EEPD1: variants seen among roughly 807,000 people sequenced by gnomAD.
EEPD1 encodes endonuclease/exonuclease/phosphatase family domain containing 1.
In EEPD1, 17 loss-of-function variants were observed where a neutral mutation model predicts 46.3. The observed-to-expected ratio is 0.37, with a 90% CI of 0.25 to 0.55. EEPD1 has a LOEUF of 0.55. Ranked by LOEUF, EEPD1 falls within the 20% of genes least tolerant of loss-of-function variation. The probability of loss-of-function intolerance (pLI) is 0.83; values close to 1 mark genes in which losing one functional copy is unlikely to be tolerated. For missense variants in EEPD1, 673 were observed against 745.6 expected, an observed-to-expected ratio of 0.90 and a Z score of 1.13; for synonymous variants, 313 against 315.6, an observed-to-expected ratio of 0.99 and a Z score of 0.09.
At position 36,154,670 on chromosome 7, in the gene EEPD1, C is replaced by T. The variant is rs749746665; in HGVS notation, c.346C>T (p.Arg116Trp). 1 of 1,613,638 alleles carries T rather than the reference C, an allele frequency of 6.2e-7. No individual in the cohort carries two copies. Among genetic ancestry groups the T allele is most frequent in the South Asian group, 1.1e-5 (1 of 91,070 alleles). The change falls in exon 2 of 8, where the codon CGG becomes TGG. Residue 116 changes from arginine to tryptophan, a missense_variant. Transcript: ENST00000242108. This position sits in a 1 kb window ranked among gnomAD's most constrained non-coding sequence, Gnocchi z 4.2. The stretch of plus-strand genomic sequence containing the variant: ...GCAGCACTCTCCCAGTTCCCTGCGG[C>T]GGGACCTGCTAGCGGAGCAGCAGCC... ...SAQHSPSSLR[R>W]DLLAEQQPHH...
In EEPD1 at chr7:36,299,589, A is replaced by G. The variant is rs1787584571; in HGVS notation, c.*383A>G. 4.1e-6 allele frequency: 1 copy of G among 242,744 alleles called. No individual in the cohort carries two copies. The highest frequency in any genetic ancestry group is 7.5e-5 in the South Asian group (1 of 13,338). 15.0% of individuals were successfully genotyped at this position (242,744 alleles called of 1,614,324 possible). A position where few individuals can be genotyped will look rare whatever the true frequency, so the allele number is the denominator to read the frequency against. On this transcript the variant is annotated 3_prime_UTR_variant, in exon 8 of 8. Transcript: ENST00000242108. ...GCCACAGTCCAGCAGCGCCAGAAGC[A>G]CTCATTTCTGACCACCAGGCTATGA...
intron 3 of EEPD1, among the ~76,000 whole-genome samples, chr7:36,243,969 G>A (rs1786597103): frequency 6.6e-6 from 1 of 150,658 alleles, no homozygotes; most frequent in African/African-American, 2.4e-5. Context: ...AATGGGTGCA[G>A]CACACCAGCA....
At chr7:36,236,175 G>A (rs957185802) in intron 2 of EEPD1, among the ~76,000 whole-genome samples, 3 of 152,210 alleles carry the variant, frequency 2.0e-5, no homozygotes, top group African/African-American at 4.8e-5. Flanking sequence ...GCTCCGCCTC[G>A]GCGTCCGCTC....
intron 2 of EEPD1, among the ~76,000 whole-genome samples, chr7:36,238,064 G>GGGT (rs1459809135): frequency 4.6e-5 from 7 of 152,284 alleles, no homozygotes; most frequent in Middle Eastern, 3.4e-3. Flanking sequence ...CCAGAACTGA[G>GGGT]GGTTCCTCTC....
chr7:36,214,450 AGGTCT>A (rs1785992679), intron 2 of EEPD1, among the ~76,000 whole-genome samples: 1 of 152,300 alleles, frequency 6.6e-6, no homozygotes, highest in East Asian at 1.9e-4. Context: ...CCTCATCAAC[AGGTCT>A]GGTCAGGGAG....
chr7:36,171,764 C>T (rs1392797383), intron 2 of EEPD1, among the ~76,000 whole-genome samples: 2 of 152,220 alleles, frequency 1.3e-5, no homozygotes, highest in Non-Finnish European at 2.9e-5. Context: ...TACTGCCTCT[C>T]ACTCATTAAT....
At chr7:36,253,318 T>C (rs1451975802) in intron 3 of EEPD1, among the ~76,000 whole-genome samples, 1 of 152,222 alleles carries the variant, frequency 6.6e-6, no homozygotes, top group East Asian at 1.9e-4. Context: ...TTTGTTTGAT[T>C]TCAATCCTTG....
At position 36,154,531 on chromosome 7, in the gene EEPD1, G is replaced by T. The variant is rs754866005; in HGVS notation, c.207G>T (p.Glu69Asp). The T allele has an allele frequency of 6.2e-7, 1 of 1,614,198 alleles. No homozygotes were observed. The highest frequency in any genetic ancestry group is 1.7e-5 in the Admixed American group (1 of 60,024). Residue 69 changes from glutamate (E) to aspartate (D), a missense_variant, in exon 2 of 8, where the codon GAG becomes GAT. Glu to Asp is a conservative substitution (Grantham distance 45). Coordinates refer to ENST00000242108, the MANE Select transcript of EEPD1 (RefSeq NM_030636.3). The surrounding 1 kb of genome is among the most constrained non-coding windows in gnomAD (Gnocchi z 4.2). ...AVARSIVEYR[E>D]YIGGFKKVED... Reference sequence around the variant, plus strand: ...CACGCAGCATCGTGGAGTACCGAGAGTATATCGGTGGCTTCAAGAAGGTGG... The same window carrying T: ...CACGCAGCATCGTGGAGTACCGAGATTATATCGGTGGCTTCAAGAAGGTGG...
At chr7:36,178,600 G>A (rs538198908) in intron 2 of EEPD1, among the ~76,000 whole-genome samples, 5 of 152,284 alleles carry the variant, frequency 3.3e-5, no homozygotes, top group African/African-American at 7.2e-5. Flanking sequence ...TACCAGCATC[G>A]TGTGGCTCTT....
intron 2 of EEPD1, among the ~76,000 whole-genome samples, chr7:36,162,914 C>T (rs1193889435): frequency 2.0e-5 from 3 of 152,192 alleles, no homozygotes; most frequent in African/African-American, 7.2e-5. Context: ...GGATGTTCTA[C>T]GGATCTGAAG....
intron 2 of EEPD1, among the ~76,000 whole-genome samples, chr7:36,215,203 C>T (rs571595441): frequency 3.9e-5 from 6 of 152,318 alleles, no homozygotes; most frequent in Admixed American, 1.3e-4. Context: ...CGAGCCCACC[C>T]GCTGCTGCCC....
At chr7:36,184,464 G>A (rs1785328359) in intron 2 of EEPD1, among the ~76,000 whole-genome samples, 2 of 152,152 alleles carry the variant, frequency 1.3e-5, no homozygotes, top group South Asian at 4.1e-4. Context: ...TTATTTGAGT[G>A]ACAGTCAGAG....
intron 2 of EEPD1, among the ~76,000 whole-genome samples, chr7:36,198,366 A>AAAAAAAAAAAAAAAAAAAT (rs1785650470): frequency 7.4e-6 from 1 of 135,048 alleles, no homozygotes; most frequent in Admixed American, 7.6e-5. Context: ...AAAGAAAGAT[A>AAAAAAAAAAAAAAAAAAAT]TTTTCCTGAA....
chr7:36,154,204 C>A lies in EEPD1; in HGVS notation c.-121C>A, dbSNP rs1784774008. ...CGGTGTTTGTCTATAGTAACCTCTT[C>A]AGTCCCTGAATCCTGCACCTTCCGT... On this transcript the variant is annotated 5_prime_UTR_variant, in exon 2 of 8. Transcript: ENST00000242108. The surrounding 1 kb of genome is among the most constrained non-coding windows in gnomAD (Gnocchi z 4.2). 1.6e-6 allele frequency: 2 copies of A among 1,258,102 alleles called. No homozygotes were observed. Among genetic ancestry groups the A allele is most frequent in the African/African-American group, 1.5e-5 (1 of 66,374 alleles). The allele number at this position is 1,258,102 out of a possible 1,614,324, so 77.9% of individuals were successfully genotyped here. A position where few individuals can be genotyped will look rare whatever the true frequency, so the allele number is the denominator to read the frequency against.
intron 6 of EEPD1, among the ~76,000 whole-genome samples, chr7:36,292,014 C>G (rs1482408683): frequency 6.6e-6 from 1 of 152,234 alleles, no homozygotes; most frequent in Admixed American, 6.5e-5. Flanking sequence ...AGGAGAAAAC[C>G]TTTCCCCCTT....
chr7:36,191,710 A>T (rs1481458113), intron 2 of EEPD1, among the ~76,000 whole-genome samples: 4 of 152,232 alleles, frequency 2.6e-5, no homozygotes, highest in Non-Finnish European at 5.9e-5. Context: ...CCATCCCAGG[A>T]GGTGCAAATC....
At chr7:36,219,183 T>A (rs1786087991) in intron 2 of EEPD1, among the ~76,000 whole-genome samples, 1 of 152,150 alleles carries the variant, frequency 6.6e-6, no homozygotes, top group Admixed American at 6.5e-5. Flanking sequence ...ATGATAATGC[T>A]AATTGTGGAA....
intron 7 of EEPD1, among the ~76,000 whole-genome samples, chr7:36,297,892 TCTGA>T (rs776179089): frequency 2.6e-5 from 4 of 152,210 alleles, no homozygotes; most frequent in Non-Finnish European, 5.9e-5. Flanking sequence ...ATTTCTAAAC[TCTGA>T]CTGGACATTT....
At chr7:36,171,831 T>C (rs550454405) in intron 2 of EEPD1, among the ~76,000 whole-genome samples, 3 of 152,348 alleles carry the variant, frequency 2.0e-5, no homozygotes, top group South Asian at 2.1e-4. Context: ...TGGCATCTGA[T>C]TCAGTTTCAA....
Sources: gnomAD v4.1 joint callset for allele counts (sites outside exome capture counted in the v4.1 genomes callset) on GRCh38, gnomAD v4.1.1 for gene constraint, Gnocchi (gnomAD v3.1) non-coding constraint, MANE v1.5 for transcripts, NCBI Gene and HGNC (gene_info 2026-07-23, HGNC 2026-07-21) for gene names.